MFAP2: variants seen among roughly 807,000 people sequenced by gnomAD.
MFAP2 encodes the protein microfibril associated protein 2.
MFAP2 carries 23 observed loss-of-function variants against 30.6 expected under a neutral mutation model. The ratio of observed to expected loss-of-function variants is 0.75; its 90% CI spans 0.54 to 1.07. The LOEUF (loss-of-function observed/expected upper bound fraction) is 1.07, where lower values mean the gene tolerates loss of function less well. Ranked by LOEUF, MFAP2 falls within the 50% of genes least tolerant of loss-of-function variation. The pLI is 0.00. For synonymous variants in MFAP2, 73 were observed against 85.7 expected, an observed-to-expected ratio of 0.85 and a Z score of 0.82; for missense variants, 198 against 223.8, an observed-to-expected ratio of 0.88 and a Z score of 0.74.
intron 1 of MFAP2, 134 bp downstream of exon 1, chr1:16,980,453 C>T (rs55779591): frequency 0.39 from 59,459 of 151,712 alleles, 12,532 homozygotes; most frequent in East Asian, 0.59. Context: ...TCTGAAGGCG[C>T]GGGGTTCAGG....
chr1:16,980,769 TGGG>T (rs60284130), upstream of MFAP2: 9 of 148,712 alleles, frequency 6.1e-5, no homozygotes, highest in East Asian at 6.0e-4. Flanking sequence ...TTCCATCTCC[TGGG>T]GGGGGGGGTG....
At chr1:16,981,447 C>T (rs1218498841), upstream of MFAP2, among the ~76,000 whole-genome samples, 4 of 152,176 alleles carry the variant, frequency 2.6e-5, no homozygotes, top group South Asian at 6.2e-4. Context: ...CGCAGCCTTC[C>T]ATTACCCAGG....
chr1:16,977,805 T>G (rs1012656806), intron 2 of MFAP2: 1 of 174,164 alleles, frequency 5.7e-6, no homozygotes, highest in Non-Finnish European at 1.2e-5. Flanking sequence ...ACTTTTGTGG[T>G]CCTCATTGAT....
Position 16,975,740 on chromosome 1 carries a change from G to A in MFAP2, c.287-10C>T. On this transcript the variant is annotated splice_polypyrimidine_tract_variant and intron_variant, in intron 6 of 8. Coordinates refer to ENST00000375535, the MANE Select transcript of MFAP2 (RefSeq NM_002403.4). The surrounding 1 kb of genome is among the most constrained non-coding windows in gnomAD (Gnocchi z 5.0). The stretch of plus-strand genomic sequence containing the variant: ...TGTTCCTCACGGCAGTCTGGTGACA[G>A]GTGGGGTCAGACTAGGAGCCCAGAG... 1 of 1,612,384 alleles carries A rather than the reference G, an allele frequency of 6.2e-7. No individual in the cohort carries two copies. Among genetic ancestry groups the A allele is most frequent in the South Asian group, 1.1e-5 (1 of 90,802 alleles).
chr1:16,976,708 C>A lies in MFAP2; in HGVS notation c.241G>T (p.Glu81Ter). 6.2e-7 allele frequency: 1 copy of A among 1,613,690 alleles called. No homozygotes were observed. Among genetic ancestry groups the A allele is most frequent in the Non-Finnish European group, 8.5e-7 (1 of 1,179,820 alleles). Residue 81 changes from glutamate (E) to a stop codon, truncating the protein, a stop_gained and splice_region_variant, in exon 5 of 9, where the codon GAA becomes TAA. Coordinates refer to ENST00000375535, the MANE Select transcript of MFAP2 (RefSeq NM_002403.4). LOFTEE classifies it high-confidence loss of function. This position sits in a 1 kb window ranked among gnomAD's most constrained non-coding sequence, Gnocchi z 5.5. Reference protein sequence around the residue: ...QQEVIPAPTPEPGNAELEPTE... With the variant: ...QQEVIPAPTP ...GGTGGGAGCAGGGTCTGGGGCCTAC[C>A]TGGGGTTGGGGCTGGGATGACTTCC...
chr1:16,977,367 C>T (rs1221940944), intron 2 of MFAP2, 169 bp from the exon 3 acceptor site: 10 of 654,122 alleles, frequency 1.5e-5, no homozygotes, highest in Non-Finnish European at 7.7e-6. Context: ...AAAGACCCTT[C>T]CCCACCCTGG....
In MFAP2 at chr1:16,976,561, AG is replaced by A; in HGVS notation, c.242-17del. ...TTTCCTGGTTCTGGTGTGGAGACAGAGGTAGGCAGACATCACTGGGAGGGGT... is the reference window on the plus strand; with the variant it reads ...TTTCCTGGTTCTGGTGTGGAGACAGAGTAGGCAGACATCACTGGGAGGGGT... On this transcript the variant is annotated splice_polypyrimidine_tract_variant and intron_variant, in intron 5 of 8. Transcript: ENST00000375535. The surrounding 1 kb of genome is among the most constrained non-coding windows in gnomAD (Gnocchi z 5.5). 6.2e-7 allele frequency: 1 copy of A among 1,614,150 alleles called. No homozygotes were observed. Among genetic ancestry groups the A allele is most frequent in the African/African-American group, 1.3e-5 (1 of 75,056 alleles).
In MFAP2 at chr1:16,975,803, C is replaced by T. The variant is rs2076586085; in HGVS notation, c.287-73G>A. On this transcript the variant is annotated intron_variant, in intron 6 of 8. Transcript: ENST00000375535. This position sits in a 1 kb window ranked among gnomAD's most constrained non-coding sequence, Gnocchi z 5.0. ...CCCAGCCTCACCCACCTGAGGCTGGCTCACAGGGCCTAGTCCCCCCTGTAC... is the reference window on the plus strand; with the variant it reads ...CCCAGCCTCACCCACCTGAGGCTGGTTCACAGGGCCTAGTCCCCCCTGTAC... 1.5e-6 allele frequency: 2 copies of T among 1,304,702 alleles called. No homozygotes were observed. The highest frequency in any genetic ancestry group is 2.2e-6 in the Non-Finnish European group (2 of 916,628). 80.8% of individuals were successfully genotyped at this position (1,304,702 alleles called of 1,614,324 possible). A position where few individuals can be genotyped will look rare whatever the true frequency, so the allele number is the denominator to read the frequency against.
In MFAP2 at chr1:16,975,297, T is replaced by C. The variant is rs769437648; in HGVS notation, c.420A>G (p.Thr140=). The part of the protein sequence containing the change: ...YVINKEICVR[T]VCAHEELLRA... The stretch of plus-strand genomic sequence containing the variant: ...GGAGGAGCTCCTCATGGGCACACAC[T>C]GTACGAACACAGATCTCCTTGTTAA... Residue 140 remains threonine, a synonymous_variant, in exon 8 of 9, where the codon ACA becomes ACG. Transcript: ENST00000375535. The surrounding 1 kb of genome is among the most constrained non-coding windows in gnomAD (Gnocchi z 5.0). 3 of 1,613,994 alleles carry C rather than the reference T, an allele frequency of 1.9e-6. No homozygotes were observed. The highest frequency in any genetic ancestry group is 2.5e-6 in the Non-Finnish European group (3 of 1,179,918).
chr1:16,976,711 G>C lies in MFAP2; in HGVS notation c.238C>G (p.Pro80Ala), dbSNP rs1303564513. 1.2e-6 allele frequency: 2 copies of C among 1,613,638 alleles called. No homozygotes were observed. The highest frequency in any genetic ancestry group is 1.7e-6 in the Non-Finnish European group (2 of 1,179,854). Reference protein sequence around the residue: ...VQQEVIPAPTPEPGNAELEPT... With the variant: ...VQQEVIPAPTAEPGNAELEPT... ...GGGAGCAGGGTCTGGGGCCTACCTG[G>C]GGTTGGGGCTGGGATGACTTCCTGT... The change falls in exon 5 of 9, where the codon CCA (proline) becomes GCA (alanine). Residue 80 changes from proline to alanine, a missense_variant. Coordinates refer to ENST00000375535, the MANE Select transcript of MFAP2 (RefSeq NM_002403.4). This position sits in a 1 kb window ranked among gnomAD's most constrained non-coding sequence, Gnocchi z 5.5.
In MFAP2 at chr1:16,975,760, C is replaced by A; in HGVS notation, c.287-30G>T. 1 of 1,604,852 alleles carries A rather than the reference C, an allele frequency of 6.2e-7. No homozygotes were observed. The highest frequency in any genetic ancestry group is 8.5e-7 in the Non-Finnish European group (1 of 1,173,718). On this transcript the variant is annotated intron_variant, in intron 6 of 8. Transcript: ENST00000375535. This position sits in a 1 kb window ranked among gnomAD's most constrained non-coding sequence, Gnocchi z 5.0. The stretch of plus-strand genomic sequence containing the variant: ...TGACAGGTGGGGTCAGACTAGGAGC[C>A]CAGAGTGGGGGGCGGCCCCCAGCCT...
At position 16,975,301 on chromosome 1, in the gene MFAP2, C is replaced by T. The variant is rs144439811; in HGVS notation, c.416G>A (p.Arg139His). 8.1e-6 allele frequency: 13 copies of T among 1,613,844 alleles called. No homozygotes were observed. Among genetic ancestry groups the T allele is most frequent in the South Asian group, 2.2e-5 (2 of 91,086 alleles). Residue 139 changes from arginine to histidine, a missense_variant, in exon 8 of 9, where the codon CGT becomes CAT. By Grantham distance (29) the Arg-to-His change is conservative (BLOSUM62 0). Transcript: ENST00000375535. This position sits in a 1 kb window ranked among gnomAD's most constrained non-coding sequence, Gnocchi z 5.0. ...VYVINKEICV[R>H]TVCAHEELLR... ...GAGCTCCTCATGGGCACACACTGTA[C>T]GAACACAGATCTCCTTGTTAATGAC...
Position 16,976,430 on chromosome 1 carries a change from A to C in MFAP2, c.286+71T>G, listed in dbSNP as rs2076591915. 1 of 1,596,306 alleles carries C rather than the reference A, an allele frequency of 6.3e-7. No individual in the cohort carries two copies. On this transcript the variant is annotated intron_variant, in intron 6 of 8. Transcript: ENST00000375535. The surrounding 1 kb of genome is among the most constrained non-coding windows in gnomAD (Gnocchi z 5.5). ...AAGGGCCAAAGACCTCCAGCCCACC[A>C]GCACCACCCCCTACTCCACCCCAAC... is the stretch of plus-strand genomic sequence containing the variant.
At chr1:16,977,274 G>A in intron 2 of MFAP2, 76 bp from the exon 3 acceptor site, 2 of 1,442,220 alleles carry the variant, frequency 1.4e-6, no homozygotes, top group Non-Finnish European at 9.5e-7. Flanking sequence ...GGAGAGTGGA[G>A]GCGGGGGTCA....
chr1:16,975,146 G>C lies in MFAP2; in HGVS notation c.448+123C>G, dbSNP rs971502442. The C allele has an allele frequency of 5.5e-6, 7 of 1,278,882 alleles. No homozygotes were observed. The African/African-American group carries it at 7.3e-5, about 13-fold the overall frequency. 79.2% of individuals were successfully genotyped at this position (1,278,882 alleles called of 1,614,324 possible). A position where few individuals can be genotyped will look rare whatever the true frequency, so the allele number is the denominator to read the frequency against. On this transcript the variant is annotated intron_variant, in intron 8 of 8. Transcript: ENST00000375535. This position sits in a 1 kb window ranked among gnomAD's most constrained non-coding sequence, Gnocchi z 5.0. ...AAAAGTAGCAAGGAGGGGAGCTCAG[G>C]GTGTCCTGGAAGTGGGCCTGGTGGA...
chr1:16,980,267 A>ACACCCCCCCCCCCCCCCCCCCCCC (rs1557656639), intron 1 of MFAP2, among the ~76,000 whole-genome samples: 2 of 80,296 alleles, frequency 2.5e-5, no homozygotes, highest in Non-Finnish European at 4.5e-5. Context: ...TTCCCACCGG[A>ACACCCCCCCCCCCCCCCCCCCCCC]CCCCCCCCCC....
At chr1:16,978,136 G>C (rs1327292355) in intron 2 of MFAP2, 101 bp downstream of exon 2, 27 of 1,329,058 alleles carry the variant, frequency 2.0e-5, no homozygotes, top group Non-Finnish European at 2.5e-5. Flanking sequence ...GCTGAGTTCT[G>C]GTCATAAGTC....
In MFAP2 at chr1:16,975,470, G is replaced by A; in HGVS notation, c.375-128C>T. On this transcript the variant is annotated intron_variant, in intron 7 of 8. Coordinates refer to ENST00000375535, the MANE Select transcript of MFAP2 (RefSeq NM_002403.4). The surrounding 1 kb of genome is among the most constrained non-coding windows in gnomAD (Gnocchi z 5.0). ...GGGAGCCCGGACAGAACCTGGCACT[G>A]GAGCCCAGGAGTGGAGGAGGTCCCT... 8.6e-7 allele frequency: 1 copy of A among 1,159,112 alleles called. No individual in the cohort carries two copies. Among genetic ancestry groups the A allele is most frequent in the Non-Finnish European group, 1.2e-6 (1 of 800,600 alleles). The allele number at this position is 1,159,112 out of a possible 1,614,324, so 71.8% of individuals were successfully genotyped here.
intron 1 of MFAP2, among the ~76,000 whole-genome samples, chr1:16,979,452 C>A (rs1187363669): frequency 6.6e-6 from 1 of 152,172 alleles, no homozygotes; most frequent in East Asian, 1.9e-4. Flanking sequence ...GGAGGTCTTT[C>A]CCTCCTTCCT....
Sources: allele counts gnomAD v4.1 joint callset (sites outside exome capture counted in the v4.1 genomes callset), GRCh38; gene constraint gnomAD v4.1.1; non-coding constraint Gnocchi (gnomAD v3.1); transcripts MANE v1.5; gene names NCBI Gene and HGNC (gene_info 2026-07-23, HGNC 2026-07-21).